ADAM23: variants seen among roughly 807,000 people sequenced by gnomAD.
ADAM23 encodes the protein disintegrin and metalloproteinase domain-containing protein 23.
ADAM23 carries 33 observed loss-of-function variants against 120.1 expected under a neutral mutation model. The observed-to-expected ratio is 0.27, with a 90% CI of 0.21 to 0.37. ADAM23 has a LOEUF of 0.37. Ranked by LOEUF, ADAM23 falls within the 10% of genes least tolerant of loss-of-function variation. The probability of loss-of-function intolerance (pLI) is 1.00; values close to 1 mark genes in which losing one functional copy is unlikely to be tolerated. For synonymous variants in ADAM23, 367 were observed against 375.2 expected (o/e 0.98, Z 0.25); for missense variants, 862 against 1,058.2 (o/e 0.81, Z 2.57).
At chr2:206,494,723 G>C (rs1696202730) in intron 3 of ADAM23, among the ~76,000 whole-genome samples, 1 of 152,132 alleles carries the variant, frequency 6.6e-6, no homozygotes, top group Non-Finnish European at 1.5e-5. Context: ...TTTCCCACTA[G>C]TATCTCAACC....
In ADAM23 at chr2:206,588,167, T is replaced by A; in HGVS notation, c.1852+13T>A. ...ATCTGGGGAACAAGTAGGTCGCACCTCCTTGCTTGGCGGTTACACATACCA... is the reference window on the plus strand; with the variant it reads ...ATCTGGGGAACAAGTAGGTCGCACCACCTTGCTTGGCGGTTACACATACCA... On this transcript the variant is annotated intron_variant, in intron 20 of 25. Transcript: ENST00000264377. The A allele has an allele frequency of 6.2e-7, 1 of 1,613,734 alleles. No homozygotes were observed. Among genetic ancestry groups the A allele is most frequent in the Non-Finnish European group, 8.5e-7 (1 of 1,179,764 alleles).
chr2:206,473,160 T>A (rs1327866770), intron 2 of ADAM23, among the ~76,000 whole-genome samples: 1 of 152,204 alleles, frequency 6.6e-6, no homozygotes, highest in African/African-American at 2.4e-5. Context: ...AGTATAACAC[T>A]CCAGAATGGA....
chr2:206,595,167 G>A (rs1321280915), intron 23 of ADAM23, among the ~76,000 whole-genome samples: 4 of 152,080 alleles, frequency 2.6e-5, no homozygotes, highest in African/African-American at 7.2e-5. Flanking sequence ...GCGACAGAGC[G>A]AGACTCCATC....
chr2:206,510,721 T>A (rs949058846), intron 3 of ADAM23, among the ~76,000 whole-genome samples: 1 of 152,238 alleles, frequency 6.6e-6, no homozygotes, highest in African/African-American at 2.4e-5. Context: ...TTTTGAATCA[T>A]ACTTTCCCTG....
At chr2:206,577,043 C>G (rs78666736) in intron 18 of ADAM23, among the ~76,000 whole-genome samples, 9,506 of 152,164 alleles carry the variant, frequency 0.062, 529 homozygotes, top group East Asian at 0.17. Flanking sequence ...CATTTAGAGA[C>G]TGAATCCAAT....
chr2:206,605,434 ATG>A (rs1698710085), intron 24 of ADAM23, among the ~76,000 whole-genome samples: 1 of 152,230 alleles, frequency 6.6e-6, no homozygotes, highest in Non-Finnish European at 1.5e-5. Flanking sequence ...ACAATTACTA[ATG>A]GTTCATTACT....
intron 4 of ADAM23, among the ~76,000 whole-genome samples, chr2:206,541,598 C>T (rs1697290694): frequency 6.6e-6 from 1 of 152,074 alleles, no homozygotes; most frequent in African/African-American, 2.4e-5. Context: ...TTGAAAACTA[C>T]ATTCATATAT....
intron 4 of ADAM23, among the ~76,000 whole-genome samples, chr2:206,534,401 A>G (rs1350552677): frequency 6.6e-6 from 1 of 152,200 alleles, no homozygotes; most frequent in East Asian, 1.9e-4. Context: ...TATTCAAAAC[A>G]TCAGGTTGAT....
intron 18 of ADAM23, among the ~76,000 whole-genome samples, chr2:206,583,351 G>A (rs1698257014): frequency 6.6e-6 from 1 of 152,096 alleles, no homozygotes; most frequent in Non-Finnish European, 1.5e-5. Flanking sequence ...CTACTCAGGA[G>A]GCTGAGGCAG....
intron 3 of ADAM23, among the ~76,000 whole-genome samples, chr2:206,500,015 T>A (rs906109872): frequency 3.9e-5 from 6 of 152,174 alleles, no homozygotes. Flanking sequence ...TTATCTCTCC[T>A]GAAGATATGC....
chr2:206,529,635 A>C (rs891633054), intron 3 of ADAM23, among the ~76,000 whole-genome samples: 2 of 152,084 alleles, frequency 1.3e-5, no homozygotes, highest in African/African-American at 4.8e-5. Flanking sequence ...CTGGCCTCAA[A>C]CAATTCTTTG....
chr2:206,603,832 C>T (rs963041996), intron 24 of ADAM23, among the ~76,000 whole-genome samples: 2 of 152,020 alleles, frequency 1.3e-5, no homozygotes, highest in African/African-American at 4.8e-5. Flanking sequence ...AATTAACACT[C>T]ATTTAGTATC....
chr2:206,553,016 T>C (rs1697564915), intron 9 of ADAM23, among the ~76,000 whole-genome samples: 1 of 152,110 alleles, frequency 6.6e-6, no homozygotes, highest in Non-Finnish European at 1.5e-5. Flanking sequence ...GATATGGTCA[T>C]CAGTTTTTGA....
intron 24 of ADAM23, among the ~76,000 whole-genome samples, chr2:206,598,407 G>A (rs1280300067): frequency 6.6e-6 from 1 of 152,002 alleles, no homozygotes; most frequent in East Asian, 1.9e-4. Flanking sequence ...GAGGCATTAA[G>A]TAAAGAAAGT....
intron 3 of ADAM23, among the ~76,000 whole-genome samples, chr2:206,497,238 A>T (rs1006478701): frequency 6.6e-6 from 1 of 152,214 alleles, no homozygotes; most frequent in African/African-American, 2.4e-5. Flanking sequence ...ATGAACATTG[A>T]TGCAAAAATC....
chr2:206,568,708 C>T (rs564743929), intron 15 of ADAM23, among the ~76,000 whole-genome samples: 132 of 152,292 alleles, frequency 8.7e-4, no homozygotes, highest in African/African-American at 2.8e-3. Flanking sequence ...TGGCAAATTT[C>T]GTATTTCTTT....
chr2:206,516,298 GAAA>G (rs1559243876), intron 3 of ADAM23, among the ~76,000 whole-genome samples: 1 of 150,786 alleles, frequency 6.6e-6, no homozygotes, highest in Non-Finnish European at 1.5e-5. Flanking sequence ...GAATTTTCAG[GAAA>G]AAAATAAAGA....
chr2:206,548,736 C>CTA (rs755602823), intron 8 of ADAM23, among the ~76,000 whole-genome samples: 1 of 152,018 alleles, frequency 6.6e-6, no homozygotes, highest in Non-Finnish European at 1.5e-5. Flanking sequence ...AATAAAAAAT[C>CTA]TAGAGAGAGG....
intron 18 of ADAM23, among the ~76,000 whole-genome samples, chr2:206,578,839 T>A (rs971258951): frequency 2.6e-5 from 4 of 152,196 alleles, no homozygotes; most frequent in Non-Finnish European, 5.9e-5. Context: ...GTGGCGGTAC[T>A]AGTTTACATT....
Sources: gnomAD v4.1 joint callset for allele counts (sites outside exome capture counted in the v4.1 genomes callset) on GRCh38, gnomAD v4.1.1 for gene constraint, MANE v1.5 for transcripts, NCBI Gene and HGNC (gene_info 2026-07-23, HGNC 2026-07-21) for gene names.